Variants in CYTH3 observed in about 807,000 individuals in gnomAD.
CYTH3 encodes cytohesin-3.
CYTH3 carries 23 observed loss-of-function variants against 55.1 expected under a neutral mutation model. The observed-to-expected ratio is 0.42, with a 90% confidence interval of 0.30 to 0.59. CYTH3 has a LOEUF of 0.59. Ranked by LOEUF, CYTH3 falls within the 20% of genes least tolerant of loss-of-function variation. The pLI, the probability that CYTH3 is intolerant of heterozygous loss-of-function variation, is 0.20. For missense variants in CYTH3, 413 were observed against 524.8 expected (o/e 0.79, Z 2.08); for synonymous variants, 249 against 194.9 (o/e 1.28, Z -2.31).
At chr7:6,223,076 G>A (rs1380770404) in intron 1 of CYTH3, among the ~76,000 whole-genome samples, 2 of 152,360 alleles carry the variant, frequency 1.3e-5, no homozygotes, top group Middle Eastern at 3.4e-3. Context: ...CTTAAATGCA[G>A]ATGCGGTCTG....
intron 3 of CYTH3, 140 bp from the exon 4 acceptor site, chr7:6,187,256 C>A: frequency 2.5e-6 from 2 of 810,256 alleles, no homozygotes; most frequent in South Asian, 1.6e-5. Context: ...CCCCCAGTCT[C>A]CGCAGTGGCG....
intron 5 of CYTH3, among the ~76,000 whole-genome samples, chr7:6,174,043 C>T (rs1056373815): frequency 3.3e-5 from 5 of 151,770 alleles, no homozygotes; most frequent in Non-Finnish European, 7.4e-5. Flanking sequence ...AGTGGAATTA[C>T]TGGGTTCCAT....
chr7:6,199,477 A>C (rs1784011620), intron 1 of CYTH3, among the ~76,000 whole-genome samples: 1 of 152,182 alleles, frequency 6.6e-6, no homozygotes, highest in East Asian at 1.9e-4. Context: ...GCAAGAACCT[A>C]TCTCTAAAAA....
intron 1 of CYTH3, among the ~76,000 whole-genome samples, chr7:6,271,759 G>A (rs1297638780): frequency 6.6e-6 from 1 of 152,130 alleles, no homozygotes; most frequent in East Asian, 1.9e-4. Context: ...AGCACACCTG[G>A]CTCCGGGCAC....
chr7:6,272,528 C>T lies in CYTH3; in HGVS notation c.-21G>A. On this transcript the variant is annotated 5_prime_UTR_variant, in exon 1 of 13. Coordinates refer to ENST00000350796, the MANE Select transcript of CYTH3 (RefSeq NM_004227.4). ...TCCATCTTGAGGCCACTCCCGCAGC[C>T]GGCGAGCCGGGGGCCGGCAGCAGAG... is the stretch of plus-strand genomic sequence containing the variant. 7.9e-7 allele frequency: 1 copy of T among 1,268,454 alleles called. No individual in the cohort carries two copies. The highest frequency in any genetic ancestry group is 1.0e-6 in the Non-Finnish European group (1 of 991,228). The allele number at this position is 1,268,454 out of a possible 1,614,324, so 78.6% of individuals were successfully genotyped here.
intron 9 of CYTH3, among the ~76,000 whole-genome samples, chr7:6,166,246 G>T (rs1293326634): frequency 2.0e-5 from 3 of 152,218 alleles, no homozygotes; most frequent in African/African-American, 7.2e-5. Flanking sequence ...GGAATCGTGA[G>T]ACTGAATTAA....
At chr7:6,179,868 CCACACACACCACACA>C (rs1236824731) in intron 4 of CYTH3, among the ~76,000 whole-genome samples, 1 of 76,052 alleles carries the variant, frequency 1.3e-5, no homozygotes, top group Non-Finnish European at 2.5e-5. Context: ...CCACACACAC[CCACACACACCACACA>C]CACCACACAC....
At position 6,165,445 on chromosome 7, in the gene CYTH3, A is replaced by AG. The variant is rs775062316; in HGVS notation, c.973-19dup. 1.7e-5 allele frequency: 28 copies of AG among 1,609,724 alleles called. 2 individuals are homozygous for AG. In the Admixed American group the frequency reaches 4.5e-4, roughly 26 times the overall value. ...AAACAGTTCTGGTGGAGAAAGAGAG[A>AG]GGGGAGGCGGTCAGGGGGGCTTGGG... On this transcript the variant is annotated intron_variant, in intron 11 of 12. Coordinates refer to ENST00000350796, the MANE Select transcript of CYTH3 (RefSeq NM_004227.4).
At chr7:6,227,235 AGATT>A (rs1364777392) in intron 1 of CYTH3, among the ~76,000 whole-genome samples, 2 of 152,338 alleles carry the variant, frequency 1.3e-5, no homozygotes, top group East Asian at 1.9e-4. Flanking sequence ...AGATAGGAAC[AGATT>A]GATGGAAAAA....
chr7:6,209,961 C>T lies in CYTH3; in HGVS notation c.35-19430G>A, dbSNP rs190215275. On this transcript the variant is annotated intron_variant, in intron 1 of 12. Transcript: ENST00000350796. ...TGGTTGCCAGGGGTTCAGGGGGACACGGACAGGGATGAATAGCTGAGCACA... is the reference window on the plus strand; with the variant it reads ...TGGTTGCCAGGGGTTCAGGGGGACATGGACAGGGATGAATAGCTGAGCACA... 1.5e-4 allele frequency among the ~76,000 whole-genome samples: 23 copies of T among 152,220 alleles called. 1 individual carries two copies. The highest frequency in any genetic ancestry group is 7.7e-4 in the East Asian group (4 of 5,180).
intron 1 of CYTH3, among the ~76,000 whole-genome samples, chr7:6,256,822 C>T (rs557670690): frequency 3.3e-5 from 5 of 152,360 alleles, no homozygotes; most frequent in Non-Finnish European, 7.4e-5. Context: ...ACACCACATC[C>T]ATGTGGACTC....
Position 6,272,451 on chromosome 7 carries a change from C to T in CYTH3, c.34+23G>A, listed in dbSNP as rs1233596517. The T allele has an allele frequency of 2.2e-6, 3 of 1,347,500 alleles. No homozygotes were observed. In the African/African-American group the frequency reaches 4.6e-5, roughly 21 times the overall value. The allele number at this position is 1,347,500 out of a possible 1,614,324, so 83.5% of individuals were successfully genotyped here. ...CCCCCGACCCCAGGCCGCCGGCGAG[C>T]CCACCACACCTCCGACACTCACCGC... On this transcript the variant is annotated intron_variant, in intron 1 of 12. Transcript: ENST00000350796.
chr7:6,189,577 G>A (rs1294365534), intron 2 of CYTH3, among the ~76,000 whole-genome samples: 4 of 151,960 alleles, frequency 2.6e-5, no homozygotes, highest in African/African-American at 9.7e-5. Flanking sequence ...CCAAAGTGCT[G>A]GGATAACAGG....
rs1236026094 is a variant in CYTH3, at chr7:6,166,225, C to T, written c.824-415G>A. On this transcript the variant is annotated intron_variant, in intron 9 of 12. Coordinates refer to ENST00000350796, the MANE Select transcript of CYTH3 (RefSeq NM_004227.4). The stretch of plus-strand genomic sequence containing the variant: ...CTGGGATCCATCAAAATCAGTCACC[C>T]CTGGGCCCAAGGAATCGTGAGACTG... Among the ~76,000 whole-genome samples the T allele has an allele frequency of 2.0e-5, 3 of 152,320 alleles. No homozygotes were observed. In the East Asian group the frequency reaches 5.8e-4, roughly 29 times the overall value.
chr7:6,186,568 C>T (rs1583759532), intron 4 of CYTH3, among the ~76,000 whole-genome samples: 1 of 152,160 alleles, frequency 6.6e-6, no homozygotes, highest in African/African-American at 2.4e-5. Flanking sequence ...CAGACACCTG[C>T]TTTTTAAGGT....
rs199532441 is a variant in CYTH3, at chr7:6,186,830, TGAAA to T, written c.249+216_249+219del. On this transcript the variant is annotated intron_variant, in intron 4 of 12. Coordinates refer to ENST00000350796, the MANE Select transcript of CYTH3 (RefSeq NM_004227.4). ...TGCTTCCTCACCCAGCAGCTCACTC[TGAAA>T]GAAAGGCCTTTCTGCCCAGGGCACC... Among the ~76,000 whole-genome samples the T allele has an allele frequency of 3.8e-3, 584 of 152,344 alleles. 5 individuals are homozygous for T. The highest frequency in any genetic ancestry group is 0.013 in the African/African-American group (558 of 41,586).
chr7:6,187,629 G>A, intron 3 of CYTH3, 28 bp downstream of exon 3: 1 of 1,588,620 alleles, frequency 6.3e-7, no homozygotes, highest in South Asian at 1.1e-5. Flanking sequence ...AGAGTAAATA[G>A]CTTAAAGGTG....
chr7:6,264,570 C>G (rs1423000107), intron 1 of CYTH3, among the ~76,000 whole-genome samples: 5 of 152,192 alleles, frequency 3.3e-5, no homozygotes, highest in African/African-American at 1.2e-4. Flanking sequence ...TGCGATCACA[C>G]CACTGCACTC....
chr7:6,272,165 G>T (rs774298035), intron 1 of CYTH3, among the ~76,000 whole-genome samples: 1 of 152,086 alleles, frequency 6.6e-6, no homozygotes, highest in Non-Finnish European at 1.5e-5. Context: ...AAGGTCCCCC[G>T]CCCCAGAGGA....
Sources: gnomAD v4.1 joint callset for allele counts (sites outside exome capture counted in the v4.1 genomes callset) on GRCh38, gnomAD v4.1.1 for gene constraint, MANE v1.5 for transcripts, NCBI Gene and HGNC (gene_info 2026-07-23, HGNC 2026-07-21) for gene names.